Variants in NCOA2 observed in about 807,000 individuals in gnomAD.
The protein encoded by NCOA2 is nuclear receptor coactivator 2, also known as class E basic helix-loop-helix protein 75.
In NCOA2, 21 loss-of-function variants were observed where a neutral mutation model predicts 145.1. That is an observed-to-expected ratio of 0.14 (90% CI 0.10 to 0.21). The LOEUF (loss-of-function observed/expected upper bound fraction) is 0.21, where lower values mean the gene tolerates loss of function less well. Among genes scored for constraint, NCOA2 ranks in the 10% least tolerant of loss-of-function variants. The probability of loss-of-function intolerance (pLI) is 1.00; values close to 1 mark genes in which losing one functional copy is unlikely to be tolerated. For synonymous variants in NCOA2, 619 were observed against 637.5 expected (o/e 0.97, Z 0.44); for missense variants, 1,472 against 1,837.6 (o/e 0.80, Z 3.64).
chr8:70,142,092 C>T (rs1218079587), intron 13 of NCOA2, among the ~76,000 whole-genome samples: 3 of 152,166 alleles, frequency 2.0e-5, no homozygotes, highest in East Asian at 1.9e-4. Context: ...AAGAGCGTAA[C>T]GCTGCTAAGC....
chr8:70,390,528 A>G (rs1813095082), intron 1 of NCOA2, among the ~76,000 whole-genome samples: 1 of 152,036 alleles, frequency 6.6e-6, no homozygotes, highest in Admixed American at 6.6e-5. Flanking sequence ...GCATTTTGGG[A>G]GGCCAAGGCA....
At chr8:70,402,043 G>C (rs1814307008) in intron 1 of NCOA2, 1 of 152,372 alleles carries the variant, frequency 6.6e-6, no homozygotes, top group Non-Finnish European at 1.5e-5. Flanking sequence ...ACTCGGGGAT[G>C]GACAAGAGTA....
chr8:70,139,693 C>T (rs1224742899), intron 14 of NCOA2, among the ~76,000 whole-genome samples: 1 of 128,686 alleles, frequency 7.8e-6, no homozygotes, highest in African/African-American at 3.0e-5. Flanking sequence ...CACTCTGTTG[C>T]CCAGGCTGGA....
rs944383682 is a variant in NCOA2, at chr8:70,123,992, C to T, written c.4185G>A (p.Ala1395=). The change falls in exon 21 of 23, where the codon GCG becomes GCA. Residue 1395 remains alanine, a synonymous_variant. Coordinates refer to ENST00000452400, the MANE Select transcript of NCOA2 (RefSeq NM_006540.4). The part of the protein sequence containing the change: ...SNNMNINVSM[A]TNTGGMSSMN... ...TGCTGCTCATGCCACCTGTGTTGGT[C>T]GCCATGGACACATTGATGTTCATGT... 7 of 1,613,834 alleles carry T rather than the reference C, an allele frequency of 4.3e-6. No homozygotes were observed. Among genetic ancestry groups the T allele is most frequent in the African/African-American group, 4.0e-5 (3 of 74,922 alleles).
intron 1 of NCOA2, among the ~76,000 whole-genome samples, chr8:70,341,146 T>C (rs1342254506): frequency 6.6e-6 from 1 of 150,926 alleles, no homozygotes; most frequent in Non-Finnish European, 1.5e-5. Flanking sequence ...ATCCCAGCAC[T>C]TTGGGAGGCC....
Position 70,257,306 on chromosome 8 carries a change from T to C in NCOA2, c.-20+39438A>G, listed in dbSNP as rs114968394. Among the ~76,000 whole-genome samples the C allele has an allele frequency of 7.7e-3, 1,172 of 152,326 alleles. 11 individuals are homozygous for C. The highest frequency in any genetic ancestry group is 0.026 in the African/African-American group (1,079 of 41,584). Reference sequence around the variant, plus strand: ...CAGTATATTGAAGGAGAAAGGTCAGTTATTCAAATCACTATAATTGCCATA... The same window carrying C: ...CAGTATATTGAAGGAGAAAGGTCAGCTATTCAAATCACTATAATTGCCATA... On this transcript the variant is annotated intron_variant, in intron 2 of 22. Coordinates refer to ENST00000452400, the MANE Select transcript of NCOA2 (RefSeq NM_006540.4).
At chr8:70,374,045 C>T (rs1811450514) in intron 1 of NCOA2, among the ~76,000 whole-genome samples, 1 of 152,164 alleles carries the variant, frequency 6.6e-6, no homozygotes, top group South Asian at 2.1e-4. Context: ...TATAATTTTT[C>T]ACTCACTGCT....
intron 2 of NCOA2, among the ~76,000 whole-genome samples, chr8:70,283,576 C>T (rs1826035596): frequency 6.6e-6 from 1 of 152,134 alleles, no homozygotes; most frequent in South Asian, 2.1e-4. Flanking sequence ...AGAGCCCAGC[C>T]TTAACTTTTA....
chr8:70,263,217 G>C (rs1419886629), intron 2 of NCOA2, among the ~76,000 whole-genome samples: 1 of 147,076 alleles, frequency 6.8e-6, no homozygotes, highest in African/African-American at 2.5e-5. Context: ...TGACTGATGG[G>C]TGGGTGGCAC....
chr8:70,179,013 G>A (rs1815176021), intron 4 of NCOA2, among the ~76,000 whole-genome samples: 1 of 152,070 alleles, frequency 6.6e-6, no homozygotes, highest in East Asian at 1.9e-4. Context: ...TGACTCTATA[G>A]GTTAATTGCA....
intron 1 of NCOA2, among the ~76,000 whole-genome samples, chr8:70,299,272 A>G (rs1277035533): frequency 1.3e-5 from 2 of 152,222 alleles, no homozygotes; most frequent in Non-Finnish European, 2.9e-5. Context: ...TAAAAGCTCT[A>G]TAATAAAGAA....
intron 2 of NCOA2, among the ~76,000 whole-genome samples, chr8:70,221,276 C>G (rs190074977): frequency 6.6e-6 from 1 of 152,188 alleles, no homozygotes; most frequent in Non-Finnish European, 1.5e-5. Flanking sequence ...AACTAAACTA[C>G]AGAAGGATAA....
chr8:70,342,419 C>T (rs1021775905), intron 1 of NCOA2, among the ~76,000 whole-genome samples: 2 of 152,120 alleles, frequency 1.3e-5, no homozygotes, highest in Admixed American at 1.3e-4. Flanking sequence ...TTATTACCCT[C>T]AAAATTTAAA....
chr8:70,337,957 G>A (rs1435909260), intron 1 of NCOA2, among the ~76,000 whole-genome samples: 1 of 152,028 alleles, frequency 6.6e-6, no homozygotes, highest in East Asian at 1.9e-4. Flanking sequence ...ATGGAAATTC[G>A]TAGCACTAAA....
At chr8:70,225,969 A>G (rs1820595261) in intron 2 of NCOA2, among the ~76,000 whole-genome samples, 1 of 152,200 alleles carries the variant, frequency 6.6e-6, no homozygotes, top group African/African-American at 2.4e-5. Context: ...AGGGCACAGA[A>G]GAGCAGCTGG....
chr8:70,211,285 C>A (rs569027552), intron 4 of NCOA2, among the ~76,000 whole-genome samples: 2 of 151,944 alleles, frequency 1.3e-5, no homozygotes, highest in Non-Finnish European at 2.9e-5. Flanking sequence ...ATGGTGAAAC[C>A]CCTTCTCTAT....
intron 1 of NCOA2, among the ~76,000 whole-genome samples, chr8:70,387,969 C>G (rs1006188654): frequency 6.6e-6 from 1 of 152,194 alleles, no homozygotes; most frequent in African/African-American, 2.4e-5. Context: ...TTCCAGCTCC[C>G]CAGTCATAGA....
intron 1 of NCOA2, among the ~76,000 whole-genome samples, chr8:70,379,136 T>C (rs919146576): frequency 1.3e-5 from 2 of 152,248 alleles, no homozygotes; most frequent in Non-Finnish European, 2.9e-5. Context: ...AAATATTATA[T>C]GGTAATTTTT....
intron 4 of NCOA2, among the ~76,000 whole-genome samples, chr8:70,200,481 C>A (rs1170576924): frequency 6.6e-6 from 1 of 152,302 alleles, no homozygotes; most frequent in East Asian, 1.9e-4. Context: ...TGTGGCCTGT[C>A]TCTCCTACTG....
Sources: allele counts gnomAD v4.1 joint callset (sites outside exome capture counted in the v4.1 genomes callset), GRCh38; gene constraint gnomAD v4.1.1; transcripts MANE v1.5; gene names NCBI Gene and HGNC (gene_info 2026-07-23, HGNC 2026-07-21).